The following SEMA3A variants were observed in gnomAD, a reference collection of about 807,000 sequenced individuals.
The protein encoded by SEMA3A is semaphorin-3A.
Under a neutral mutation model 97.9 loss-of-function variants are expected in SEMA3A, and 29 were observed. The ratio of observed to expected loss-of-function variants is 0.30; its 90% confidence interval spans 0.22 to 0.40. The LOEUF (loss-of-function observed/expected upper bound fraction) is 0.40, where lower values mean the gene tolerates loss of function less well. SEMA3A is among the 10% of genes least tolerant of loss of function. The pLI, the probability that SEMA3A is intolerant of heterozygous loss-of-function variation, is 1.00. For missense variants in SEMA3A, 763 were observed against 951.3 expected (o/e 0.80, Z 2.60); for synonymous variants, 321 against 323.7 (o/e 0.99, Z 0.09).
chr7:84,153,032 T>C (rs953207410), intron 1 of SEMA3A, among the ~76,000 whole-genome samples: 7 of 152,098 alleles, frequency 4.6e-5, no homozygotes, highest in African/African-American at 1.7e-4. Flanking sequence ...ATCAAGAAAT[T>C]AGTTTAAAAG....
intron 5 of SEMA3A, among the ~76,000 whole-genome samples, chr7:84,050,916 T>C (rs59753088): frequency 0.046 from 6,976 of 150,088 alleles, 253 homozygotes; most frequent in East Asian, 0.18. Flanking sequence ...CCAGTTTCAG[T>C]TTTCTACATA....
chr7:84,159,010 A>G (rs867048321), intron 1 of SEMA3A, among the ~76,000 whole-genome samples: 5 of 152,142 alleles, frequency 3.3e-5, no homozygotes, highest in South Asian at 2.1e-4. Flanking sequence ...CTACGAAAGT[A>G]GTAGGCAATT....
intron 3 of SEMA3A, 151 bp downstream of exon 3, chr7:84,128,972 C>T (rs1795878681): frequency 8.2e-6 from 5 of 609,126 alleles, no homozygotes; most frequent in Non-Finnish European, 1.4e-5. Context: ...GTATTGGGTT[C>T]TATCCTAAAG....
At chr7:84,052,422 T>C (rs1792719618) in intron 5 of SEMA3A, among the ~76,000 whole-genome samples, 1 of 152,228 alleles carries the variant, frequency 6.6e-6, no homozygotes, top group Admixed American at 6.5e-5. Context: ...ATTCAGCTTC[T>C]TCCTGGTTTA....
At chr7:84,327,087 T>C (rs2189121) in intron 2 of SEMA3A, among the ~76,000 whole-genome samples, 20,989 of 151,946 alleles carry the variant, frequency 0.14, 1,739 homozygotes, top group South Asian at 0.25. Flanking sequence ...CCAGCATCTA[T>C]AAGGAACTTA....
chr7:84,232,331 A>G (rs966371315), intron 3 of SEMA3A, among the ~76,000 whole-genome samples: 1 of 149,932 alleles, frequency 6.7e-6, no homozygotes. Flanking sequence ...TTGAAAATAT[A>G]TAAGGAAAAA....
At chr7:84,032,023 T>C (rs17158533) in intron 6 of SEMA3A, among the ~76,000 whole-genome samples, 29,180 of 152,082 alleles carry the variant, frequency 0.19, 3,042 homozygotes, top group East Asian at 0.41. Flanking sequence ...TGTCAAAAAT[T>C]GTTGAATACA....
At chr7:84,267,132 G>T (rs1205600307) in intron 3 of SEMA3A, among the ~76,000 whole-genome samples, 2 of 151,966 alleles carry the variant, frequency 1.3e-5, no homozygotes, top group Non-Finnish European at 2.9e-5. Flanking sequence ...GTGACAAAAT[G>T]AACTCAAAGG....
At chr7:84,458,944 C>T (rs967488297) in intron 1 of SEMA3A, among the ~76,000 whole-genome samples, 1 of 151,946 alleles carries the variant, frequency 6.6e-6, no homozygotes, top group Admixed American at 6.6e-5. Context: ...TAGCCAACTC[C>T]TCTTCATTCT....
chr7:84,312,987 C>T (rs1192033873), intron 2 of SEMA3A, among the ~76,000 whole-genome samples: 1 of 124,120 alleles, frequency 8.1e-6, no homozygotes, highest in East Asian at 2.4e-4. Flanking sequence ...ATACATTATA[C>T]ATGTGTATAT....
chr7:84,392,703 TATTAAC>T (rs1216149615), intron 1 of SEMA3A, among the ~76,000 whole-genome samples: 2 of 152,176 alleles, frequency 1.3e-5, no homozygotes, highest in African/African-American at 4.8e-5. Context: ...TGCTGACACT[TATTAAC>T]ATTCATCTTT....
At chr7:83,985,693 C>T (rs561244033) in intron 12 of SEMA3A, among the ~76,000 whole-genome samples, 3 of 152,174 alleles carry the variant, frequency 2.0e-5, no homozygotes, top group Non-Finnish European at 4.4e-5. Context: ...ATACAGTCTA[C>T]ATACCTGTAG....
At chr7:84,050,610 C>A (rs573431506) in intron 5 of SEMA3A, among the ~76,000 whole-genome samples, 1 of 151,984 alleles carries the variant, frequency 6.6e-6, no homozygotes, top group East Asian at 1.9e-4. Context: ...TGGATATTAG[C>A]CCTTTGTCAG....
intron 2 of SEMA3A, among the ~76,000 whole-genome samples, chr7:84,349,949 C>A (rs1174504602): frequency 6.6e-6 from 1 of 151,960 alleles, no homozygotes; most frequent in African/African-American, 2.4e-5. Context: ...ATCTATCTGC[C>A]TTCTTGATGT....
At chr7:84,128,992 T>C (rs988404830) in intron 3 of SEMA3A, 131 bp downstream of exon 3, 6 of 657,050 alleles carry the variant, frequency 9.1e-6, no homozygotes, top group African/African-American at 5.5e-5. Context: ...GATATCTTAT[T>C]ATATATATGA....
At chr7:84,263,352 C>CT (rs777251092) in intron 3 of SEMA3A, among the ~76,000 whole-genome samples, 2 of 152,152 alleles carry the variant, frequency 1.3e-5, no homozygotes, top group Non-Finnish European at 2.9e-5. Flanking sequence ...CAAGGTCAGA[C>CT]TTCATTGCCT....
At chr7:84,092,487 T>C (rs1794632380) in intron 4 of SEMA3A, among the ~76,000 whole-genome samples, 1 of 152,154 alleles carries the variant, frequency 6.6e-6, no homozygotes, top group Non-Finnish European at 1.5e-5. Context: ...TGTGTGTCAG[T>C]TTCCAGGAAT....
intron 2 of SEMA3A, among the ~76,000 whole-genome samples, chr7:84,132,675 T>TG (rs1303154960): frequency 7.6e-6 from 1 of 131,370 alleles, no homozygotes; most frequent in African/African-American, 2.8e-5. Flanking sequence ...TTTTTTTTTT[T>TG]TTTTTTTTTT....
intron 1 of SEMA3A, among the ~76,000 whole-genome samples, chr7:84,422,461 A>G (rs1220525638): frequency 6.6e-6 from 1 of 151,986 alleles, no homozygotes; most frequent in Non-Finnish European, 1.5e-5. Context: ...ATCTTTTCAA[A>G]AAACCAGCTC....
Sources: allele counts gnomAD v4.1 joint callset (sites outside exome capture counted in the v4.1 genomes callset), GRCh38; gene constraint gnomAD v4.1.1; transcripts MANE v1.5; gene names NCBI Gene and HGNC (gene_info 2026-07-23, HGNC 2026-07-21).